The following PDE4D variants were observed in gnomAD, a reference collection of about 807,000 sequenced individuals.
PDE4D encodes phosphodiesterase 4D, also known as 3',5'-cyclic-AMP phosphodiesterase 4D.
A neutral mutation model predicts 87.4 loss-of-function variants in PDE4D; 24 were observed. The ratio of observed to expected loss-of-function variants is 0.27; its 90% CI spans 0.20 to 0.39. The LOEUF (loss-of-function observed/expected upper bound fraction) is 0.39. Ranked by LOEUF, PDE4D falls within the 10% of genes least tolerant of loss-of-function variation. The pLI is 1.00. For missense variants in PDE4D, 714 were observed against 1,041.0 expected, an observed-to-expected ratio of 0.69 and a Z score of 4.32; for synonymous variants, 384 against 383.2, an observed-to-expected ratio of 1.00 and a Z score of -0.02.
rs576782841 is a variant in PDE4D at position 59,395,562 on chromosome 5, C to A, written c.456-179594G>T. Among the ~76,000 whole-genome samples the A allele has an allele frequency of 8.7e-3, 1,305 of 150,704 alleles. 24 individuals carry two copies. Among genetic ancestry groups the A allele is most frequent in the African/African-American group, 0.031 (1,249 of 40,910 alleles). Reference sequence around the variant, plus strand: ...AAAACTAACAAACAGAAAGGACATCCACACCAAAAACCCATCTGTACATCA... The same window carrying A: ...AAAACTAACAAACAGAAAGGACATCAACACCAAAAACCCATCTGTACATCA... On this transcript the variant is annotated intron_variant, in intron 1 of 14. Transcript: ENST00000340635.
intron 5 of PDE4D, among the ~76,000 whole-genome samples, chr5:59,140,918 G>A (rs1287087229): frequency 2.0e-5 from 3 of 152,144 alleles, no homozygotes; most frequent in East Asian, 3.8e-4. Context: ...AATCATCAGC[G>A]TATTCCTTTA....
At chr5:59,073,508 G>GGGGA (rs1554062040) in intron 5 of PDE4D, among the ~76,000 whole-genome samples, 1 of 74,158 alleles carries the variant, frequency 1.3e-5, no homozygotes, top group Non-Finnish European at 3.1e-5. Context: ...AGTGGGGGGC[G>GGGGA]GGGGGGGCGG....
intron 1 of PDE4D, among the ~76,000 whole-genome samples, chr5:59,378,718 T>C (rs1202197336): frequency 1.3e-5 from 2 of 152,220 alleles, no homozygotes; most frequent in Admixed American, 6.5e-5. Flanking sequence ...CTGAAACTAG[T>C]GACAAGCTTT....
intron 1 of PDE4D, among the ~76,000 whole-genome samples, chr5:59,424,182 G>A (rs994860857): frequency 6.6e-6 from 1 of 152,134 alleles, no homozygotes; most frequent in African/African-American, 2.4e-5. Context: ...AATCTATTGA[G>A]TTTGGCAGCA....
intron 5 of PDE4D, among the ~76,000 whole-genome samples, chr5:59,080,019 A>C (rs892556686): frequency 2.0e-5 from 3 of 152,062 alleles, no homozygotes; most frequent in Non-Finnish European, 4.4e-5. Flanking sequence ...TCAGCTGAAG[A>C]CATGACACAT....
intron 7 of PDE4D, among the ~76,000 whole-genome samples, chr5:58,992,561 G>C (rs193211442): frequency 5.9e-5 from 9 of 152,220 alleles, no homozygotes; most frequent in Admixed American, 5.9e-4. Flanking sequence ...TTTTATTTCT[G>C]TATGATAGTG....
chr5:59,289,877 G>A (rs992913247), intron 1 of PDE4D, among the ~76,000 whole-genome samples: 2 of 151,986 alleles, frequency 1.3e-5, no homozygotes, highest in African/African-American at 2.4e-5. Context: ...ATTTCTACAT[G>A]CCAACAGTGA....
chr5:59,796,673 A>G (rs958785157), intron 1 of PDE4D, among the ~76,000 whole-genome samples: 1 of 152,238 alleles, frequency 6.6e-6, no homozygotes, highest in Non-Finnish European at 1.5e-5. Context: ...TTAAGAACAT[A>G]TGTACTTGTT....
chr5:59,858,494 G>A (rs1745793094), intron 1 of PDE4D, among the ~76,000 whole-genome samples: 1 of 152,018 alleles, frequency 6.6e-6, no homozygotes, highest in South Asian at 2.1e-4. Context: ...TTGAAAATGT[G>A]CTTTTGTGTT....
In PDE4D at chr5:59,145,433, A is replaced by G. The variant is rs75125105; in HGVS notation, c.808+35162T>C. Among the ~76,000 whole-genome samples the G allele has an allele frequency of 3.1e-3, 470 of 152,344 alleles. 10 individuals are homozygous for G. The East Asian group carries it at 0.056, about 18-fold the overall frequency. The stretch of plus-strand genomic sequence containing the variant: ...TGATGTACAGAGGTTATGAGAAAAT[A>G]ATCTTAAGAAATTTACTGAACAGCT... On this transcript the variant is annotated intron_variant, in intron 5 of 14. Coordinates refer to ENST00000340635, the MANE Select transcript of PDE4D (RefSeq NM_001104631.2).
At chr5:59,336,531 C>A (rs1777682880) in intron 1 of PDE4D, among the ~76,000 whole-genome samples, 1 of 152,194 alleles carries the variant, frequency 6.6e-6, no homozygotes, top group African/African-American at 2.4e-5. Flanking sequence ...GAAGGCCAGG[C>A]ATCTCAGGGT....
Position 60,222,517 on chromosome 5 carries a change from A to T in PDE4D, c.-89-36830T>A, listed in dbSNP as rs142753867. Among the ~76,000 whole-genome samples the T allele has an allele frequency of 4.9e-3, 752 of 152,286 alleles. 8 individuals carry two copies. Among genetic ancestry groups the T allele is most frequent in the African/African-American group, 0.017 (720 of 41,578 alleles). ...GATGACTAATACAATTTAGGAATAG[A>T]ATTTATAGATCATAGGGTAGATGTA... is the stretch of plus-strand genomic sequence containing the variant. On this transcript the variant is annotated intron_variant, in intron 1 of 16. Transcript: ENST00000502484.
At chr5:59,383,979 C>G (rs1187756868) in intron 1 of PDE4D, among the ~76,000 whole-genome samples, 5 of 152,186 alleles carry the variant, frequency 3.3e-5, no homozygotes, top group Admixed American at 3.3e-4. Context: ...GTCTCAACTT[C>G]CTGGACTCAA....
At position 60,439,988 on chromosome 5, in the gene PDE4D, C is replaced by A. The variant is rs1272170399; in HGVS notation, c.-90+47954G>T. ...TGAAAGTTCCAGTGACCTATCCTAT[C>A]TCTCTCCAACTCTCTAACTTCAACC... On this transcript the variant is annotated intron_variant, in intron 1 of 16. Transcript: ENST00000502484. Among the ~76,000 whole-genome samples, 5 of 151,612 alleles carry A rather than the reference C, an allele frequency of 3.3e-5. No homozygotes were observed. In the East Asian group the frequency reaches 9.7e-4, roughly 29 times the overall value.
At chr5:59,871,842 G>A (rs1021771094) in intron 1 of PDE4D, among the ~76,000 whole-genome samples, 3 of 151,978 alleles carry the variant, frequency 2.0e-5, no homozygotes, top group Non-Finnish European at 4.4e-5. Context: ...TAGAAACCTC[G>A]GGGTCATCAC....
intron 1 of PDE4D, among the ~76,000 whole-genome samples, chr5:59,488,233 G>A (rs929270582): frequency 2.0e-5 from 3 of 150,646 alleles, no homozygotes; most frequent in Non-Finnish European, 4.4e-5. Flanking sequence ...ATTTTAAAGT[G>A]TTGCCATTTC....
chr5:59,221,495 G>T (rs879496717), intron 1 of PDE4D, among the ~76,000 whole-genome samples: 10 of 152,104 alleles, frequency 6.6e-5, no homozygotes, highest in Non-Finnish European at 1.0e-4. Context: ...ACCTGGGTGT[G>T]GTGGTGCTTA....
intron 1 of PDE4D, among the ~76,000 whole-genome samples, chr5:60,412,365 T>A (rs991216748): frequency 6.6e-6 from 1 of 152,306 alleles, no homozygotes; most frequent in East Asian, 1.9e-4. Context: ...CCAGAAGAGA[T>A]AGAAAAACCA....
At chr5:59,281,471 G>A (rs1347855409) in intron 1 of PDE4D, among the ~76,000 whole-genome samples, 5 of 151,962 alleles carry the variant, frequency 3.3e-5, no homozygotes, top group East Asian at 1.9e-4. Context: ...CTAAGCATAC[G>A]CATTTACAAA....
Sources: allele counts gnomAD v4.1 joint callset (sites outside exome capture counted in the v4.1 genomes callset), GRCh38; gene constraint gnomAD v4.1.1; transcripts MANE v1.5; gene names NCBI Gene and HGNC (gene_info 2026-07-23, HGNC 2026-07-21).